Variants in MED25 observed in about 807,000 individuals in gnomAD.
MED25 encodes mediator of RNA polymerase II transcription subunit 25.
A neutral mutation model predicts 89.4 loss-of-function variants in MED25; 62 were observed. The ratio of observed to expected loss-of-function variants is 0.69; its 90% CI spans 0.57 to 0.86. The LOEUF (loss-of-function observed/expected upper bound fraction) is 0.86. Among genes scored for constraint, MED25 ranks in the 40% least tolerant of loss-of-function variants. The pLI is 0.00. For missense variants in MED25, 905 were observed against 1,005.2 expected, an observed-to-expected ratio of 0.90 and a Z score of 1.35; for synonymous variants, 449 against 427.9, an observed-to-expected ratio of 1.05 and a Z score of -0.61.
chr19:49,832,428 C>A lies in MED25; in HGVS notation c.1482+13C>A, dbSNP rs755101218. 12 of 1,448,746 alleles carry A rather than the reference C, an allele frequency of 8.3e-6. 1 individual carries two copies. In the South Asian group the frequency reaches 1.3e-4, roughly 15 times the overall value. 89.7% of individuals were successfully genotyped at this position (1,448,746 alleles called of 1,614,324 possible). On this transcript the variant is annotated intron_variant, in intron 13 of 17. Transcript: ENST00000312865. ...GGGCAACGGCTTCGTGAGTCCAGGG[C>A]ATGGGGGGCCGAGGGGTGTTGACTC...
chr19:49,834,106 A>G lies in MED25; in HGVS notation c.1483-880A>G, dbSNP rs984022945. The G allele has an allele frequency of 6.6e-6, 1 of 152,270 alleles. No homozygotes were observed. The highest frequency in any genetic ancestry group is 2.4e-5 in the African/African-American group (1 of 41,432). The allele number at this position is 152,270 out of a possible 1,614,324, so 9.4% of individuals were successfully genotyped here. A position where few individuals can be genotyped will look rare whatever the true frequency, so the allele number is the denominator to read the frequency against. ...TGTGTTTCCCTTTCTTCAAGACAGC[A>G]GAAACTTTCTCAGATTCCAGAGCAG... On this transcript the variant is annotated intron_variant, in intron 13 of 17. Transcript: ENST00000312865. This position sits in a 1 kb window ranked among gnomAD's most constrained non-coding sequence, Gnocchi z 4.1.
Position 49,819,019 on chromosome 19 carries a change from A to C in MED25, c.181-153A>C, listed in dbSNP as rs910751394. On this transcript the variant is annotated intron_variant, in intron 2 of 17. Coordinates refer to ENST00000312865, the MANE Select transcript of MED25 (RefSeq NM_030973.4). Reference sequence around the variant, plus strand: ...CCTGGATTCCTGGGTCTGAGGGAGAAGGGGCTGGGGCCGAGATTGCTGGGT... The same window carrying C: ...CCTGGATTCCTGGGTCTGAGGGAGACGGGGCTGGGGCCGAGATTGCTGGGT... 14 of 962,596 alleles carry C rather than the reference A, an allele frequency of 1.5e-5. No individual in the cohort carries two copies. The Admixed American group carries it at 2.2e-4, about 15-fold the overall frequency. 59.6% of individuals were successfully genotyped at this position (962,596 alleles called of 1,614,324 possible). A position where few individuals can be genotyped will look rare whatever the true frequency, so the allele number is the denominator to read the frequency against.
At chr19:49,824,029 G>A (rs999918045) in intron 3 of MED25, among the ~76,000 whole-genome samples, 4 of 152,180 alleles carry the variant, frequency 2.6e-5, no homozygotes, top group African/African-American at 9.7e-5. Context: ...ACAGTCTTGA[G>A]TGATGTTAAA....
At chr19:49,820,754 T>A (rs1184642954) in intron 3 of MED25, among the ~76,000 whole-genome samples, 1 of 152,198 alleles carries the variant, frequency 6.6e-6, no homozygotes, top group Non-Finnish European at 1.5e-5. Context: ...TTCTTTAATT[T>A]CCTGCCTCAC....
chr19:49,819,379 C>T (rs2073966333), intron 3 of MED25, 83 bp downstream of exon 3: 2 of 1,502,762 alleles, frequency 1.3e-6, no homozygotes, highest in Admixed American at 1.8e-5. Flanking sequence ...GTTGGTGTCC[C>T]CGTGAGAGGC....
chr19:49,821,477 T>A (rs888405258), intron 3 of MED25, among the ~76,000 whole-genome samples: 2 of 152,220 alleles, frequency 1.3e-5, no homozygotes, highest in African/African-American at 2.4e-5. Context: ...CTTAAAAATA[T>A]TTTTGTAGGT....
At position 49,829,829 on chromosome 19, in the gene MED25, C is replaced by T. The variant is rs780526739; in HGVS notation, c.569C>T (p.Ala190Val). 10 of 1,608,538 alleles carry T rather than the reference C, an allele frequency of 6.2e-6. No homozygotes were observed. The highest frequency in any genetic ancestry group is 2.2e-5 in the East Asian group (1 of 44,648). The change falls in exon 6 of 18, where the codon GCG becomes GTG. Residue 190 changes from alanine to valine, a missense_variant. Physicochemically the swap from Ala to Val is moderately conservative, Grantham distance 64. Around this residue, in one of 3 missense-constraint regions of MED25, gnomAD observed 501 missense variants for 526.9 expected, o/e 0.95. Coordinates refer to ENST00000312865, the MANE Select transcript of MED25 (RefSeq NM_030973.4). This position sits in a 1 kb window ranked among gnomAD's most constrained non-coding sequence, Gnocchi z 4.6. ...FSIVSPRKLP[A>V]LRLLFEKAAP... ...ATTGTGTCTCCCCGGAAGCTGCCTGCGCTTCGGCTTCTGTTTGAGAAGGCA... is the reference window on the plus strand; with the variant it reads ...ATTGTGTCTCCCCGGAAGCTGCCTGTGCTTCGGCTTCTGTTTGAGAAGGCA...
chr19:49,835,232 A>G lies in MED25; in HGVS notation c.1674+55A>G. ...TCCGACCCCCTCCTGCCCGGGCCCC[A>G]CATGGCCCCCTGGGGTCTCCAGGAC... On this transcript the variant is annotated intron_variant, in intron 14 of 17. Transcript: ENST00000312865. The surrounding 1 kb of genome is among the most constrained non-coding windows in gnomAD (Gnocchi z 6.2). The G allele has an allele frequency of 9.4e-6, 15 of 1,589,300 alleles. No individual in the cohort carries two copies. Among genetic ancestry groups the G allele is most frequent in the Non-Finnish European group, 1.2e-5 (14 of 1,158,194 alleles).
chr19:49,830,928 G>GCCC lies in MED25; in HGVS notation c.1101+42_1101+43insCCC. Reference sequence around the variant, plus strand: ...CCTCCTGCCCCTGCTCCTTCCTCCTGCTGTCCACAGCTAGGACAGTTAGAG... The same window carrying GCCC: ...CCTCCTGCCCCTGCTCCTTCCTCCTGCCCCTGTCCACAGCTAGGACAGTTAGAG... On this transcript the variant is annotated intron_variant, in intron 9 of 17. Transcript: ENST00000312865. This position sits in a 1 kb window ranked among gnomAD's most constrained non-coding sequence, Gnocchi z 4.6. 1 of 1,574,422 alleles carries GCCC rather than the reference G, an allele frequency of 6.4e-7. No homozygotes were observed. Among genetic ancestry groups the GCCC allele is most frequent in the Non-Finnish European group, 8.7e-7 (1 of 1,154,962 alleles).
chr19:49,840,141 C>G (rs1034775595), downstream of MED25: 5 of 152,006 alleles, frequency 3.3e-5, no homozygotes, highest in African/African-American at 1.2e-4. Flanking sequence ...CTGCCCGTCC[C>G]CACCGTGCCA....
rs2074083816 is a variant in MED25 at position 49,834,826 on chromosome 19, T to C, written c.1483-160T>C. 1.4e-6 allele frequency: 1 copy of C among 732,820 alleles called. No individual in the cohort carries two copies. The highest frequency in any genetic ancestry group is 2.7e-5 in the East Asian group (1 of 37,568). The allele number at this position is 732,820 out of a possible 1,614,324, so 45.4% of individuals were successfully genotyped here. Reference sequence around the variant, plus strand: ...TGCCCTGAGCGCCTCAGTTTCTGTCTCCAGAGCAACCCATAGCACACCTGT... The same window carrying C: ...TGCCCTGAGCGCCTCAGTTTCTGTCCCCAGAGCAACCCATAGCACACCTGT... On this transcript the variant is annotated intron_variant, in intron 13 of 17. Transcript: ENST00000312865. The surrounding 1 kb of genome is among the most constrained non-coding windows in gnomAD (Gnocchi z 4.1).
rs897801306 is a variant in MED25 at position 49,832,093 on chromosome 19, C to A, written c.1317-7C>A. The A allele has an allele frequency of 1.1e-5, 18 of 1,613,500 alleles. No homozygotes were observed. Among genetic ancestry groups the A allele is most frequent in the Non-Finnish European group, 1.4e-5 (16 of 1,179,904 alleles). On this transcript the variant is annotated splice_polypyrimidine_tract_variant and splice_region_variant and intron_variant, in intron 11 of 17. Transcript: ENST00000312865. ...CCTCCTCACACCTCTCCTGGCATCGCCCCCAGGAAGACGGAGCAGTGGCCC... is the reference window on the plus strand; with the variant it reads ...CCTCCTCACACCTCTCCTGGCATCGACCCCAGGAAGACGGAGCAGTGGCCC...
intron 3 of MED25, among the ~76,000 whole-genome samples, chr19:49,823,706 T>TG (rs545655041): frequency 3.3e-4 from 51 of 152,310 alleles, no homozygotes; most frequent in Admixed American, 3.3e-3. Context: ...GTGCAAGTGC[T>TG]GGGTGCAGGA....
At chr19:49,828,228 CA>C (rs35999270) in intron 3 of MED25, among the ~76,000 whole-genome samples, 236 of 115,658 alleles carry the variant, frequency 2.0e-3, no homozygotes, top group East Asian at 6.3e-3. Context: ...GACTCCATCT[CA>C]AAAAAAAAAA....
chr19:49,819,739 C>T (rs903957885), intron 3 of MED25: 7 of 323,212 alleles, frequency 2.2e-5, no homozygotes, highest in African/African-American at 1.1e-4. Context: ...CTACCCCTGT[C>T]CTCCTTTTCC....
Position 49,834,691 on chromosome 19 carries a change from T to C in MED25, c.1483-295T>C, listed in dbSNP as rs1381473009. 6.2e-6 allele frequency: 3 copies of C among 484,520 alleles called. No individual in the cohort carries two copies. Among genetic ancestry groups the C allele is most frequent in the Non-Finnish European group, 1.1e-5 (3 of 263,794 alleles). The allele number at this position is 484,520 out of a possible 1,614,324, so 30.0% of individuals were successfully genotyped here. A position where few individuals can be genotyped will look rare whatever the true frequency, so the allele number is the denominator to read the frequency against. ...CTGAGGAGGCCGCCGTGGCATTTTA[T>C]GCCCAAGAAACTGGGTCCATGAGGA... On this transcript the variant is annotated intron_variant, in intron 13 of 17. Transcript: ENST00000312865. This position sits in a 1 kb window ranked among gnomAD's most constrained non-coding sequence, Gnocchi z 4.1.
rs200946453 is a variant in MED25, at chr19:49,830,211, A to C, written c.812A>C (p.Gln271Pro). 2 of 1,605,124 alleles carry C rather than the reference A, an allele frequency of 1.2e-6. No individual in the cohort carries two copies. Among genetic ancestry groups the C allele is most frequent in the Non-Finnish European group, 8.5e-7 (1 of 1,175,056 alleles). The change falls in exon 7 of 18, where the codon CAG (glutamine) becomes CCG (proline). Residue 271 changes from glutamine to proline, a missense_variant. This residue lies in a region of MED25 where 501 missense variants were observed against 526.9 expected (regional missense o/e 0.95). Transcript: ENST00000312865. This position sits in a 1 kb window ranked among gnomAD's most constrained non-coding sequence, Gnocchi z 4.6. ...PQQPLPPVPP[Q>P]YQVPGNLSAA... ...CAGCCTCTGCCCCCCGTCCCCCCGCAGTACCAGGTATGGATATTTCCGGGA... is the reference window on the plus strand; with the variant it reads ...CAGCCTCTGCCCCCCGTCCCCCCGCCGTACCAGGTATGGATATTTCCGGGA...
intron 3 of MED25, among the ~76,000 whole-genome samples, chr19:49,822,568 C>T (rs1218470632): frequency 6.6e-6 from 1 of 151,876 alleles, no homozygotes; most frequent in Non-Finnish European, 1.5e-5. Context: ...GATGCTGCAC[C>T]CAGAGGCCCC....
rs547428340 is a variant in MED25, at chr19:49,822,975, G to A, written c.305+3679G>A. Among the ~76,000 whole-genome samples the A allele has an allele frequency of 1.1e-4, 17 of 152,148 alleles. 1 individual carries two copies. The South Asian group carries it at 2.9e-3, about 26-fold the overall frequency. ...ATTCTGTTTTTTAACCTGAGACAGG[G>A]TCTTGCTCTGTTGCCCAGATTGGAG... On this transcript the variant is annotated intron_variant, in intron 3 of 17. Transcript: ENST00000312865.
Sources: allele counts gnomAD v4.1 joint callset (sites outside exome capture counted in the v4.1 genomes callset), GRCh38; gene constraint gnomAD v4.1.1; regional missense constraint gnomAD v4.1.1; non-coding constraint Gnocchi (gnomAD v3.1); transcripts MANE v1.5; gene names NCBI Gene and HGNC (gene_info 2026-07-23, HGNC 2026-07-21).